Variants in TAFA5 observed in about 807,000 individuals in gnomAD.
TAFA5 encodes TAFA chemokine like family member 5.
Under a neutral mutation model 15.3 loss-of-function variants are expected in TAFA5, and 6 were observed. That is an observed-to-expected ratio of 0.39 (90% CI 0.21 to 0.77). The LOEUF is 0.77. TAFA5 is among the 30% of genes least tolerant of loss of function. The pLI, the probability that TAFA5 is intolerant of heterozygous loss-of-function variation, is 0.41. For synonymous variants in TAFA5, 103 were observed against 80.7 expected (o/e 1.28, Z -1.48); for missense variants, 161 against 193.1 (o/e 0.83, Z 0.98).
At chr22:48,734,957 AG>A (rs895721694) in intron 3 of TAFA5, among the ~76,000 whole-genome samples, 1 of 152,206 alleles carries the variant, frequency 6.6e-6, no homozygotes, top group Non-Finnish European at 1.5e-5. Flanking sequence ...GAGGAAGTGG[AG>A]GGGAATATTG....
intron 1 of TAFA5, among the ~76,000 whole-genome samples, chr22:48,632,387 A>C (rs975540868): frequency 2.0e-5 from 3 of 152,148 alleles, no homozygotes; most frequent in African/African-American, 7.2e-5. Context: ...AGAGTAAGAA[A>C]CCAAGGCCAC....
chr22:48,494,729 A>C (rs1162785953), intron 1 of TAFA5, among the ~76,000 whole-genome samples: 1 of 152,046 alleles, frequency 6.6e-6, no homozygotes, highest in African/African-American at 2.4e-5. Context: ...TCCCTTCCGG[A>C]CTTCTCCGCC....
In TAFA5 at chr22:48,571,588, T is replaced by G. The variant is rs1397164511; in HGVS notation, c.113-75009T>G. Among the ~76,000 whole-genome samples, 18 of 137,084 alleles carry G rather than the reference T, an allele frequency of 1.3e-4. 2 individuals are homozygous for G. The highest frequency in any genetic ancestry group is 5.0e-4 in the Admixed American group (7 of 13,916). The allele number at this position is 137,084 out of a possible 152,430, so 89.9% of individuals were successfully genotyped here. A position where few individuals can be genotyped will look rare whatever the true frequency, so the allele number is the denominator to read the frequency against. On this transcript the variant is annotated intron_variant, in intron 1 of 3. Coordinates refer to ENST00000402357, the MANE Select transcript of TAFA5 (RefSeq NM_001082967.3). ...GTGCCTGGCCTGTTTTTTTTTTTTT[T>G]TTTTTTTTTTTTTTTTTTGCTTTAA...
chr22:48,535,561 T>C (rs1426739238), intron 1 of TAFA5, among the ~76,000 whole-genome samples: 2 of 152,134 alleles, frequency 1.3e-5, no homozygotes, highest in Non-Finnish European at 2.9e-5. Context: ...GCGCACAAGC[T>C]GTGTGGGTAT....
At chr22:48,517,108 C>T (rs1041365483) in intron 1 of TAFA5, among the ~76,000 whole-genome samples, 1 of 152,164 alleles carries the variant, frequency 6.6e-6, no homozygotes, top group Non-Finnish European at 1.5e-5. Flanking sequence ...CAATCCCTCC[C>T]TCTGCAGCCA....
chr22:48,646,462 C>T, intron 1 of TAFA5, 135 bp from the exon 2 acceptor site: 2 of 1,131,510 alleles, frequency 1.8e-6, no homozygotes, highest in Non-Finnish European at 1.2e-6. Flanking sequence ...TTCGGACGCT[C>T]CCTCTGAGTG....
chr22:48,734,917 A>G (rs373854462), intron 3 of TAFA5, among the ~76,000 whole-genome samples: 17 of 152,308 alleles, frequency 1.1e-4, no homozygotes, highest in African/African-American at 2.2e-4. Context: ...ATTGCAGAGT[A>G]AAGGATAAAG....
In TAFA5 at chr22:48,612,488, C is replaced by G. The variant is rs532985539; in HGVS notation, c.113-34109C>G. On this transcript the variant is annotated intron_variant, in intron 1 of 3. Coordinates refer to ENST00000402357, the MANE Select transcript of TAFA5 (RefSeq NM_001082967.3). ...CTGTTGCCTTCCCTGGGGCCCTGTCCCTGGGCACAGGTGGCCTCGTCTCTC... is the reference window on the plus strand; with the variant it reads ...CTGTTGCCTTCCCTGGGGCCCTGTCGCTGGGCACAGGTGGCCTCGTCTCTC... 9.9e-5 allele frequency among the ~76,000 whole-genome samples: 15 copies of G among 152,254 alleles called. No homozygotes were observed. The East Asian group carries it at 2.9e-3, about 30-fold the overall frequency.
intron 1 of TAFA5, among the ~76,000 whole-genome samples, chr22:48,524,486 T>C (rs1490560503): frequency 6.6e-6 from 1 of 152,180 alleles, no homozygotes; most frequent in African/African-American, 2.4e-5. Flanking sequence ...AACAGGACCT[T>C]GGTGGCATCT....
At chr22:48,666,869 T>C (rs531045906) in intron 2 of TAFA5, among the ~76,000 whole-genome samples, 1 of 151,954 alleles carries the variant, frequency 6.6e-6, no homozygotes, top group African/African-American at 2.4e-5. Flanking sequence ...AGGTAGAGGG[T>C]GGCCGACTGT....
intron 2 of TAFA5, among the ~76,000 whole-genome samples, chr22:48,659,220 C>G (rs1459870832): frequency 6.6e-6 from 1 of 152,248 alleles, no homozygotes; most frequent in Non-Finnish European, 1.5e-5. Context: ...GAATCATAGC[C>G]GCAGCCTTGT....
At chr22:48,651,190 C>T (rs775492180) in intron 2 of TAFA5, among the ~76,000 whole-genome samples, 4 of 152,316 alleles carry the variant, frequency 2.6e-5, no homozygotes, top group Admixed American at 1.3e-4. Context: ...GGTTTGTGAG[C>T]GGAACTGCCC....
intron 2 of TAFA5, among the ~76,000 whole-genome samples, chr22:48,701,500 A>G (rs1928905230): frequency 6.6e-6 from 1 of 152,040 alleles, no homozygotes; most frequent in Non-Finnish European, 1.5e-5. Flanking sequence ...CCTAGGGTAA[A>G]CTTTCCTCCC....
At chr22:48,646,508 G>C in intron 1 of TAFA5, 89 bp from the exon 2 acceptor site, 1 of 1,510,468 alleles carries the variant, frequency 6.6e-7, no homozygotes, top group Non-Finnish European at 8.9e-7. Context: ...GGCTGCTGGG[G>C]GCCCCTCTGT....
At chr22:48,640,116 C>T (rs572376706) in intron 1 of TAFA5, among the ~76,000 whole-genome samples, 5 of 152,348 alleles carry the variant, frequency 3.3e-5, no homozygotes, top group South Asian at 2.1e-4. Context: ...ATGGGGCCGG[C>T]GCCAGGCTCT....
At chr22:48,492,126 A>AT (rs529069885) in intron 1 of TAFA5, among the ~76,000 whole-genome samples, 46 of 126,608 alleles carry the variant, frequency 3.6e-4, no homozygotes, top group African/African-American at 1.2e-3. Context: ...GAGAAAAAAA[A>AT]TCCCCCCCCC....
In TAFA5 at chr22:48,613,973, G is replaced by A. The variant is rs1020581845; in HGVS notation, c.113-32624G>A. Among the ~76,000 whole-genome samples, 8 of 152,206 alleles carry A rather than the reference G, an allele frequency of 5.3e-5. No individual in the cohort carries two copies. In the South Asian group the frequency reaches 6.2e-4, roughly 12 times the overall value. ...ACCACCCCCGGCTCGCGGCCCCTGC[G>A]AGATGGGATTCTGTGGAAGGACAAA... On this transcript the variant is annotated intron_variant, in intron 1 of 3. Coordinates refer to ENST00000402357, the MANE Select transcript of TAFA5 (RefSeq NM_001082967.3).
At position 48,655,880 on chromosome 22, in the gene TAFA5, C is replaced by G. The variant is rs1056826656; in HGVS notation, c.262+9134C>G. On this transcript the variant is annotated intron_variant, in intron 2 of 3. Transcript: ENST00000402357. ...TTTGAGACAGAGTCTCGCTCTGTTA[C>G]CCAGGCTGGAGTGCAGTGGCGCGAT... 7.1e-5 allele frequency among the ~76,000 whole-genome samples: 9 copies of G among 126,162 alleles called. No individual in the cohort carries two copies. In the South Asian group the frequency reaches 2.4e-3, roughly 34 times the overall value. The allele number at this position is 126,162 out of a possible 152,430, so 82.8% of individuals were successfully genotyped here.
intron 1 of TAFA5, among the ~76,000 whole-genome samples, chr22:48,506,052 G>A (rs951434257): frequency 1.3e-5 from 2 of 152,138 alleles, no homozygotes; most frequent in African/African-American, 4.8e-5. Flanking sequence ...GCAGGTTTGT[G>A]CACCCCAGGC....
Sources: allele counts gnomAD v4.1 joint callset (sites outside exome capture counted in the v4.1 genomes callset), GRCh38; gene constraint gnomAD v4.1.1; transcripts MANE v1.5; gene names NCBI Gene and HGNC (gene_info 2026-07-23, HGNC 2026-07-21).